The following IL1RAPL1 variants were observed in gnomAD, a reference collection of about 807,000 sequenced individuals.
The protein encoded by IL1RAPL1 is interleukin-1 receptor accessory protein-like 1.
Under a neutral mutation model 48.4 loss-of-function variants are expected in IL1RAPL1, and 3 were observed. The observed-to-expected ratio is 0.06, with a 90% CI of 0.03 to 0.16. The LOEUF (loss-of-function observed/expected upper bound fraction) is 0.16, where lower values mean the gene tolerates loss of function less well. Ranked by LOEUF, IL1RAPL1 falls within the 10% of genes least tolerant of loss-of-function variation. The pLI, the probability that IL1RAPL1 is intolerant of heterozygous loss-of-function variation, is 1.00. For synonymous variants in IL1RAPL1, 185 were observed against 187.7 expected, an observed-to-expected ratio of 0.99 and a Z score of 0.12; for missense variants, 349 against 530.6, an observed-to-expected ratio of 0.66 and a Z score of 3.36.
At position 29,949,476 on chromosome X, in the gene IL1RAPL1, A is replaced by G. The variant is rs113076585; in HGVS notation, c.1202-5046A>G. The stretch of plus-strand genomic sequence containing the variant: ...CATAAGAAAGAGTAACTTAATGACT[A>G]CATTGCAGATTATAAAGAATTACTA... On this transcript the variant is annotated intron_variant, in intron 9 of 10. Transcript: ENST00000378993. 1.2e-3 allele frequency among the ~76,000 whole-genome samples: 132 copies of G among 111,957 alleles called. 1 individual carries two copies. The highest frequency in any genetic ancestry group is 4.1e-3 in the African/African-American group (127 of 30,942).
intron 2 of IL1RAPL1, among the ~76,000 whole-genome samples, chrX:28,901,101 T>C (rs991697119): frequency 2.7e-5 from 3 of 111,535 alleles, no homozygotes; most frequent in Non-Finnish European, 5.7e-5. Context: ...AACAAAACAA[T>C]GGACCATAGA....
At chrX:29,044,538 C>T (rs1926915363) in intron 2 of IL1RAPL1, among the ~76,000 whole-genome samples, 1 of 110,011 alleles carries the variant, frequency 9.1e-6, no homozygotes, top group Non-Finnish European at 1.9e-5. Context: ...TTTTTAATCC[C>T]TAATGATTAA....
At chrX:29,194,739 A>G (rs1930412001) in intron 2 of IL1RAPL1, among the ~76,000 whole-genome samples, 1 of 112,386 alleles carries the variant, frequency 8.9e-6, no homozygotes, top group South Asian at 3.7e-4. Context: ...CAAATGTAGT[A>G]TTAGCATCAT....
chrX:28,912,434 T>G (rs188381036), intron 2 of IL1RAPL1, among the ~76,000 whole-genome samples: 41 of 110,987 alleles, frequency 3.7e-4, no homozygotes, highest in African/African-American at 1.0e-3. Flanking sequence ...GATTTTATGC[T>G]GGCTCCATTA....
At chrX:29,484,940 C>T (rs1230206380) in intron 5 of IL1RAPL1, among the ~76,000 whole-genome samples, 1 of 111,647 alleles carries the variant, frequency 9.0e-6, no homozygotes, top group Non-Finnish European at 1.9e-5. Flanking sequence ...ACCCTCAGAC[C>T]TAAATGATAC....
chrX:29,006,297 T>C (rs760867483), intron 2 of IL1RAPL1, among the ~76,000 whole-genome samples: 1 of 110,570 alleles, frequency 9.0e-6, no homozygotes, highest in Non-Finnish European at 1.9e-5. Context: ...GGCGATCACC[T>C]GAGGTCAGGA....
chrX:29,136,124 CTTTTTTTTT>C (rs35972652), intron 2 of IL1RAPL1, among the ~76,000 whole-genome samples: 1 of 64,200 alleles, frequency 1.6e-5, no homozygotes, highest in Admixed American at 1.9e-4. Context: ...CATTTGAACT[CTTTTTTTTT>C]TTTTTTTTTT....
At chrX:29,205,626 G>A (rs185843627) in intron 2 of IL1RAPL1, among the ~76,000 whole-genome samples, 2 of 111,892 alleles carry the variant, frequency 1.8e-5, no homozygotes, top group African/African-American at 3.2e-5. Flanking sequence ...AATAGGTATT[G>A]CATAAAGTAA....
chrX:29,159,396 C>G (rs1253310653), intron 2 of IL1RAPL1, among the ~76,000 whole-genome samples: 1 of 111,617 alleles, frequency 9.0e-6, no homozygotes, highest in Non-Finnish European at 1.9e-5. Flanking sequence ...TTCTTTAACT[C>G]TCCTCTGCAG....
chrX:28,954,611 A>G (rs1431129481), intron 2 of IL1RAPL1, among the ~76,000 whole-genome samples: 2 of 110,690 alleles, frequency 1.8e-5, no homozygotes, highest in Non-Finnish European at 3.8e-5. Context: ...ATTTTTTTCT[A>G]TCTTTCAGCT....
At chrX:28,960,590 A>G (rs1393243716) in intron 2 of IL1RAPL1, among the ~76,000 whole-genome samples, 2 of 112,210 alleles carry the variant, frequency 1.8e-5, no homozygotes, top group African/African-American at 6.5e-5. Flanking sequence ...GCAAGGGCAA[A>G]GATACTTCTC....
At chrX:28,713,074 G>C (rs771025024) in intron 1 of IL1RAPL1, among the ~76,000 whole-genome samples, 1 of 109,150 alleles carries the variant, frequency 9.2e-6, no homozygotes, top group African/African-American at 3.3e-5. Context: ...TTTTTTCTGA[G>C]ACAGAGTCTC....
chrX:29,791,261 C>G lies in IL1RAPL1; in HGVS notation c.778+122757C>G, dbSNP rs753185584. Among the ~76,000 whole-genome samples, 27 of 111,061 alleles carry G rather than the reference C, an allele frequency of 2.4e-4. No homozygotes were observed. In the South Asian group the frequency reaches 5.0e-3, roughly 20 times the overall value. Reference sequence around the variant, plus strand: ...AAGTTTCAAAAGAGCTCCTATCTGACTCAGTGCAATATCCAACATCCTAAG... The same window carrying G: ...AAGTTTCAAAAGAGCTCCTATCTGAGTCAGTGCAATATCCAACATCCTAAG... On this transcript the variant is annotated intron_variant, in intron 6 of 10. Coordinates refer to ENST00000378993, the MANE Select transcript of IL1RAPL1 (RefSeq NM_014271.4).
intron 1 of IL1RAPL1, among the ~76,000 whole-genome samples, chrX:28,731,691 A>G (rs185464732): frequency 2.7e-5 from 3 of 111,639 alleles, no homozygotes; most frequent in Admixed American, 1.9e-4. Flanking sequence ...AGTTGAGAAG[A>G]TCAGAATACT....
chrX:29,164,804 ATG>A (rs34953322), intron 2 of IL1RAPL1, among the ~76,000 whole-genome samples: 29,960 of 108,393 alleles, frequency 0.28, 3,356 homozygotes, highest in East Asian at 0.55. Context: ...ATTATTGTGT[ATG>A]TGTGTGTGTG....
intron 2 of IL1RAPL1, among the ~76,000 whole-genome samples, chrX:29,009,183 C>T (rs750002763): frequency 1.3e-3 from 147 of 111,223 alleles, no homozygotes; most frequent in Non-Finnish European, 1.4e-3. Context: ...ACAATAAACA[C>T]GAGCTCCTTC....
chrX:28,625,735 T>C (rs2146890610), intron 1 of IL1RAPL1, among the ~76,000 whole-genome samples: 1 of 103,545 alleles, frequency 9.7e-6, no homozygotes, highest in Non-Finnish European at 1.9e-5. Context: ...CTAATCAAAA[T>C]GCGTGTGTGT....
chrX:29,799,486 T>C (rs1031038413), intron 6 of IL1RAPL1, among the ~76,000 whole-genome samples: 3 of 112,423 alleles, frequency 2.7e-5, no homozygotes, highest in African/African-American at 9.7e-5. Context: ...GCAGAGAATA[T>C]TGGAAATGTG....
intron 5 of IL1RAPL1, among the ~76,000 whole-genome samples, chrX:29,547,118 C>T (rs930287592): frequency 8.9e-6 from 1 of 111,956 alleles, no homozygotes; most frequent in Non-Finnish European, 1.9e-5. Context: ...TTGAAAATCA[C>T]AGGTAATTAA....
Sources: gnomAD v4.1 joint callset for allele counts (sites outside exome capture counted in the v4.1 genomes callset) on GRCh38, gnomAD v4.1.1 for gene constraint, MANE v1.5 for transcripts, NCBI Gene and HGNC (gene_info 2026-07-23, HGNC 2026-07-21) for gene names.